IL17RB: variants seen among roughly 807,000 people sequenced by gnomAD.
IL17RB encodes the protein interleukin 17 receptor B.
IL17RB carries 36 observed loss-of-function variants against 43.9 expected under a neutral mutation model. That is an observed-to-expected ratio of 0.82 (90% CI 0.63 to 1.08). The LOEUF (loss-of-function observed/expected upper bound fraction) is 1.08, where lower values mean the gene tolerates loss of function less well. Ranked by LOEUF, IL17RB falls within the 50% of genes least tolerant of loss-of-function variation. The probability of loss-of-function intolerance (pLI) is 0.00; values close to 1 mark genes in which losing one functional copy is unlikely to be tolerated. For synonymous variants in IL17RB, 225 were observed against 225.4 expected (o/e 1.00, Z 0.02); for missense variants, 613 against 613.6 (o/e 1.00, Z 0.01).
intron 1 of IL17RB, 90 bp downstream of exon 1, chr3:53,846,738 A>C: frequency 7.3e-7 from 1 of 1,376,106 alleles, no homozygotes; most frequent in African/African-American, 1.5e-5. Context: ...GGCTGCCCCG[A>C]AGGCGTGCGC....
Position 53,860,228 on chromosome 3 carries a change from G to A in IL17RB, c.946G>A (p.Glu316Lys), listed in dbSNP as rs61751221. The A allele has an allele frequency of 6.0e-5, 97 of 1,607,762 alleles. No individual in the cohort carries two copies. The highest frequency in any genetic ancestry group is 1.7e-4 in the Middle Eastern group (1 of 5,912). Residue 316 changes from glutamate to lysine, a missense_variant and splice_region_variant, in exon 10 of 11, where the codon GAA (glutamate) becomes AAA (lysine). By Grantham distance (56) the Glu-to-Lys change is moderately conservative. Transcript: ENST00000288167. ...AGGGATCTATCTAATGTGGAGGCAC[G>A]GTAAGGGTTATAATTCTTTAAAGAC... ...VAGIYLMWRHERIKKTSFSTT... is the reference protein window; with the variant it reads ...VAGIYLMWRHKRIKKTSFSTT...
rs1294879578 is a variant in IL17RB at position 53,857,691 on chromosome 3, G to A, written c.747+1G>A. The A allele has an allele frequency of 6.2e-7, 1 of 1,612,374 alleles. No individual in the cohort carries two copies. The highest frequency in any genetic ancestry group is 2.2e-5 in the East Asian group (1 of 44,888). Reference sequence around the variant, plus strand: ...GGATAGTGAAGGTGCTACGGTGCAGGTAAAGTTCAGTGAGCTGCTCTGGGG... The same window carrying A: ...GGATAGTGAAGGTGCTACGGTGCAGATAAAGTTCAGTGAGCTGCTCTGGGG... On this transcript the variant is annotated splice_donor_variant, in intron 8 of 10. Transcript: ENST00000288167. LOFTEE classifies it high-confidence loss of function.
rs531173358 is a variant in IL17RB, at chr3:53,859,996, C to T, written c.848-134C>T. On this transcript the variant is annotated intron_variant, in intron 9 of 10. Coordinates refer to ENST00000288167, the MANE Select transcript of IL17RB (RefSeq NM_018725.4). The stretch of plus-strand genomic sequence containing the variant: ...CTGCACTCCAGCCTAGGCAACAAAG[C>T]GAGACTCTGTCTCAAAACTAAAAAA... 2.6e-4 allele frequency: 167 copies of T among 634,926 alleles called. 7 individuals are homozygous for T. The South Asian group carries it at 3.0e-3, about 12-fold the overall frequency. 39.3% of individuals were successfully genotyped at this position (634,926 alleles called of 1,614,324 possible).
intron 2 of IL17RB, 127 bp from the exon 3 acceptor site, chr3:53,849,528 A>T (rs200373076): frequency 1.4e-6 from 1 of 715,858 alleles, no homozygotes; most frequent in Non-Finnish European, 1.9e-6. Context: ...ACATTTTTTT[A>T]ATTAAAAAAA....
rs370331617 is a variant in IL17RB at position 53,865,073 on chromosome 3, T to C, written c.1274T>C (p.Leu425Pro). Reference sequence around the variant, plus strand: ...GAGAACTCTCAAGACCTCTTCCCCCTTGCCTTTAACCTTTTCTGCAGTGAT... The same window carrying C: ...GAGAACTCTCAAGACCTCTTCCCCCCTGCCTTTAACCTTTTCTGCAGTGAT... ...PSENSQDLFP[L>P]AFNLFCSDLR... Residue 425 changes from leucine to proline, a missense_variant, in exon 11 of 11, where the codon CTT (leucine) becomes CCT (proline). Physicochemically the swap from Leu to Pro is moderately conservative, Grantham distance 98 (BLOSUM62 -3). Transcript: ENST00000288167. The C allele has an allele frequency of 6.2e-7, 1 of 1,614,032 alleles. No individual in the cohort carries two copies. Among genetic ancestry groups the C allele is most frequent in the African/African-American group, 1.3e-5 (1 of 74,928 alleles).
chr3:53,858,801 C>T lies in IL17RB; in HGVS notation c.830C>T (p.Pro277Leu). 2 of 1,614,034 alleles carry T rather than the reference C, an allele frequency of 1.2e-6. No homozygotes were observed. Among genetic ancestry groups the T allele is most frequent in the Admixed American group, 1.7e-5 (1 of 60,028 alleles). The part of the protein sequence containing the change: ...TVVLCPQTGV[P>L]FPLDNNKSKP... ...GTGCTCTGCCCACAAACAGGCGTCC[C>T]TTTCCCTCTGGATAACAGTAAGTGC... Residue 277 changes from proline to leucine, a missense_variant, in exon 9 of 11, where the codon CCT becomes CTT. Pro to Leu is a moderately conservative substitution (Grantham distance 98). Coordinates refer to ENST00000288167, the MANE Select transcript of IL17RB (RefSeq NM_018725.4).
At chr3:53,849,542 G>A (rs1485061587) in intron 2 of IL17RB, 113 bp from the exon 3 acceptor site, 2 of 742,308 alleles carry the variant, frequency 2.7e-6, no homozygotes, top group Non-Finnish European at 3.9e-6. Context: ...AAAAAAAAAA[G>A]AAGTGAGGAA....
chr3:53,861,325 C>T (rs191032824), intron 10 of IL17RB: 106 of 151,792 alleles, frequency 7.0e-4, no homozygotes, highest in African/African-American at 2.4e-3. Flanking sequence ...GAAAAAAAGC[C>T]AAATTGCTTG....
At chr3:53,858,481 G>C in intron 8 of IL17RB, 1 of 1,370,788 alleles carries the variant, frequency 7.3e-7, no homozygotes, top group Non-Finnish European at 9.4e-7. Context: ...TGGTATGTTA[G>C]TAACGTGTAC....
chr3:53,853,144 AC>A (rs1190049900), intron 5 of IL17RB, 147 bp downstream of exon 5: 1 of 883,484 alleles, frequency 1.1e-6, no homozygotes, highest in Admixed American at 2.2e-5. Context: ...CACAGTAGTA[AC>A]CATACTTTAC....
intron 10 of IL17RB, 115 bp from the exon 11 acceptor site, chr3:53,864,631 C>T (rs540623129): frequency 2.6e-6 from 2 of 772,024 alleles, no homozygotes; most frequent in Admixed American, 2.3e-5. Context: ...ACTAACAAGG[C>T]CCTTGGTGCT....
At chr3:53,848,377 A>T (rs923460560) in intron 1 of IL17RB, among the ~76,000 whole-genome samples, 2 of 152,248 alleles carry the variant, frequency 1.3e-5, no homozygotes, top group Non-Finnish European at 2.9e-5. Context: ...GCAGCAGGGA[A>T]GGATGACATC....
At chr3:53,855,551 A>G (rs1461361360) in intron 6 of IL17RB, among the ~76,000 whole-genome samples, 1 of 152,192 alleles carries the variant, frequency 6.6e-6, no homozygotes, top group African/African-American at 2.4e-5. Context: ...AGAAAGGGGT[A>G]GACCCTCAGT....
In IL17RB at chr3:53,852,132, C is replaced by A. The variant is rs183682513; in HGVS notation, c.354+6C>A. 2 of 1,613,322 alleles carry A rather than the reference C, an allele frequency of 1.2e-6. No individual in the cohort carries two copies. Among genetic ancestry groups the A allele is most frequent in the African/African-American group, 2.7e-5 (2 of 74,932 alleles). ...CCAGACCCTCTGGTGGTAAAGTAAG[C>A]ACTTTTTTGTTTTTTGTTTTGTTTT... On this transcript the variant is annotated splice_donor_region_variant and intron_variant, in intron 4 of 10. Coordinates refer to ENST00000288167, the MANE Select transcript of IL17RB (RefSeq NM_018725.4).
At chr3:53,855,243 G>C in intron 5 of IL17RB, 51 bp from the exon 6 acceptor site, 1 of 1,262,730 alleles carries the variant, frequency 7.9e-7, no homozygotes, top group Admixed American at 1.7e-5. Flanking sequence ...AAAGGGGGTG[G>C]GGCAGAGATA....
At chr3:53,856,458 C>T in intron 6 of IL17RB, among the ~76,000 whole-genome samples, 1 of 152,198 alleles carries the variant, frequency 6.6e-6, no homozygotes, top group East Asian at 1.9e-4. Flanking sequence ...ATTGTGAGTT[C>T]ACTTGCTCTA....
At chr3:53,860,061 C>A (rs1441314947) in intron 9 of IL17RB, 69 bp from the exon 10 acceptor site, 13 of 1,046,570 alleles carry the variant, frequency 1.2e-5, no homozygotes, top group African/African-American at 8.0e-5. Flanking sequence ...TATACCAAGT[C>A]TTAGTTTTTA....
chr3:53,850,141 A>C (rs1479939875), intron 3 of IL17RB, among the ~76,000 whole-genome samples: 1 of 152,272 alleles, frequency 6.6e-6, no homozygotes, highest in Non-Finnish European at 1.5e-5. Context: ...CTGCAGGCAT[A>C]CATGCCATAT....
intron 10 of IL17RB, 141 bp from the exon 11 acceptor site, chr3:53,864,605 G>C: frequency 1.5e-6 from 1 of 675,352 alleles, no homozygotes; most frequent in Admixed American, 2.5e-5. Flanking sequence ...ACATCAGGAT[G>C]TTTTTCCTTG....
Sources: gnomAD v4.1 joint callset for allele counts (sites outside exome capture counted in the v4.1 genomes callset) on GRCh38, gnomAD v4.1.1 for gene constraint, MANE v1.5 for transcripts, NCBI Gene and HGNC (gene_info 2026-07-23, HGNC 2026-07-21) for gene names.